The following PLEKHA7 variants were observed in gnomAD, a reference collection of about 807,000 sequenced individuals.
PLEKHA7 encodes pleckstrin homology domain containing A7, also known as pleckstrin homology domain-containing family A member 7.
A neutral mutation model predicts 170.0 loss-of-function variants in PLEKHA7; 104 were observed. The ratio of observed to expected loss-of-function variants is 0.61; its 90% CI spans 0.52 to 0.72. PLEKHA7 has a LOEUF of 0.72. PLEKHA7 is among the 30% of genes least tolerant of loss of function. The pLI is 0.00. For synonymous variants in PLEKHA7, 648 were observed against 660.8 expected (o/e 0.98, Z 0.30); for missense variants, 1,615 against 1,671.7 (o/e 0.97, Z 0.59).
intron 13 of PLEKHA7, among the ~76,000 whole-genome samples, chr11:16,804,904 AGGGAGGTGTG>A (rs754058270): frequency 1.4e-4 from 22 of 152,232 alleles, no homozygotes; most frequent in African/African-American, 4.6e-4. Context: ...GGGGCGGTGC[AGGGAGGTGTG>A]GGGAGGTGGG....
chr11:16,904,261 C>T (rs931989445), intron 3 of PLEKHA7, among the ~76,000 whole-genome samples: 4 of 152,230 alleles, frequency 2.6e-5, no homozygotes, highest in African/African-American at 9.6e-5. Context: ...CTGTACCCAT[C>T]CATTGGGAAT....
intron 8 of PLEKHA7, among the ~76,000 whole-genome samples, chr11:16,850,104 C>T (rs1487849170): frequency 6.6e-6 from 1 of 152,218 alleles, no homozygotes; most frequent in Non-Finnish European, 1.5e-5. Flanking sequence ...CACAGACCAA[C>T]ACTTCCCTTT....
Position 16,961,339 on chromosome 11 carries a change from G to A in PLEKHA7, c.221+52650C>T, listed in dbSNP as rs374512525. Among the ~76,000 whole-genome samples the A allele has an allele frequency of 5.3e-5, 8 of 152,324 alleles. No homozygotes were observed. The East Asian group carries it at 5.8e-4, about 11-fold the overall frequency. ...CCAAGCGCCTTGAGGTGGTCCTAACGCCAGGCTATGCTCAGCTCATCGGAG... is the reference window on the plus strand; with the variant it reads ...CCAAGCGCCTTGAGGTGGTCCTAACACCAGGCTATGCTCAGCTCATCGGAG... On this transcript the variant is annotated intron_variant, in intron 3 of 26. Coordinates refer to ENST00000531066, the MANE Select transcript of PLEKHA7 (RefSeq NM_001329630.2).
intron 3 of PLEKHA7, among the ~76,000 whole-genome samples, chr11:16,964,521 G>A (rs539157248): frequency 6.6e-6 from 1 of 152,154 alleles, no homozygotes; most frequent in African/African-American, 2.4e-5. Flanking sequence ...TCATACCCCA[G>A]GATGTCTGCA....
At chr11:16,897,579 G>A (rs1857074133) in intron 3 of PLEKHA7, among the ~76,000 whole-genome samples, 1 of 152,124 alleles carries the variant, frequency 6.6e-6, no homozygotes, top group Admixed American at 6.5e-5. Flanking sequence ...GGCTTTAAAT[G>A]GGCCACCCGC....
intron 3 of PLEKHA7, among the ~76,000 whole-genome samples, chr11:16,889,420 A>AT (rs1554964152): frequency 0.012 from 927 of 74,570 alleles, 6 homozygotes; most frequent in Middle Eastern, 0.035. Context: ...AAAAAAAAAA[A>AT]ATATATATAT....
chr11:16,878,038 G>A (rs913438211), intron 3 of PLEKHA7, among the ~76,000 whole-genome samples: 6 of 152,014 alleles, frequency 3.9e-5, no homozygotes, highest in South Asian at 2.1e-4. Flanking sequence ...TCCCTTCCCC[G>A]CAAACTCAAT....
At chr11:16,814,921 G>A (rs1267828037) in intron 12 of PLEKHA7, among the ~76,000 whole-genome samples, 2 of 152,212 alleles carry the variant, frequency 1.3e-5, no homozygotes, top group African/African-American at 4.8e-5. Flanking sequence ...ACACCAGCCT[G>A]GCAGTCACTA....
rs1429457151 is a variant in PLEKHA7, at chr11:16,805,541, C to T, written c.2008-2246G>A. Among the ~76,000 whole-genome samples the T allele has an allele frequency of 2.0e-5, 3 of 152,000 alleles. No homozygotes were observed. The East Asian group carries it at 5.8e-4, about 29-fold the overall frequency. Reference sequence around the variant, plus strand: ...GCACGGTGGCTCACACCTGTAATCCCAGCACTTTGGGAGGCCAAGGCGGGT... The same window carrying T: ...GCACGGTGGCTCACACCTGTAATCCTAGCACTTTGGGAGGCCAAGGCGGGT... On this transcript the variant is annotated intron_variant, in intron 13 of 26. Coordinates refer to ENST00000531066, the MANE Select transcript of PLEKHA7 (RefSeq NM_001329630.2).
intron 3 of PLEKHA7, among the ~76,000 whole-genome samples, chr11:16,880,450 T>C (rs915623695): frequency 1.3e-5 from 2 of 152,258 alleles, no homozygotes; most frequent in African/African-American, 2.4e-5. Context: ...CAACCTTCAG[T>C]GCCTGCTATA....
chr11:16,835,451 G>C (rs1043420585), intron 9 of PLEKHA7, among the ~76,000 whole-genome samples: 2 of 152,158 alleles, frequency 1.3e-5, no homozygotes, highest in Non-Finnish European at 2.9e-5. Flanking sequence ...GCAGAGAAGA[G>C]AGTGCAGTTT....
chr11:16,941,919 A>G (rs1164879118), intron 3 of PLEKHA7, among the ~76,000 whole-genome samples: 1 of 152,198 alleles, frequency 6.6e-6, no homozygotes, highest in African/African-American at 2.4e-5. Context: ...TGCTGAAAGC[A>G]CCTCTCTCGA....
chr11:16,987,075 T>C (rs2136915535), intron 3 of PLEKHA7, among the ~76,000 whole-genome samples: 1 of 152,220 alleles, frequency 6.6e-6, no homozygotes, highest in South Asian at 2.1e-4. Context: ...AAATGGGAAA[T>C]TTGCAGGCCT....
intron 3 of PLEKHA7, among the ~76,000 whole-genome samples, chr11:17,008,624 A>C (rs1298946712): frequency 6.6e-6 from 1 of 152,170 alleles, no homozygotes; most frequent in Non-Finnish European, 1.5e-5. Context: ...CTGATTCCTC[A>C]AGAGATGCCA....
intron 9 of PLEKHA7, 97 bp downstream of exon 9, chr11:16,841,450 A>G: frequency 7.4e-7 from 1 of 1,349,166 alleles, no homozygotes; most frequent in Non-Finnish European, 1.0e-6. Flanking sequence ...GCTTAATACA[A>G]GTGAGTAAAT....
chr11:16,917,518 T>G (rs1858777527), intron 3 of PLEKHA7, among the ~76,000 whole-genome samples: 1 of 152,208 alleles, frequency 6.6e-6, no homozygotes, highest in Non-Finnish European at 1.5e-5. Flanking sequence ...CCTTGCCTCT[T>G]CCAGCTTCTA....
chr11:16,883,951 G>A lies in PLEKHA7; in HGVS notation c.222-12769C>T, dbSNP rs183348519. Among the ~76,000 whole-genome samples, 19 of 151,048 alleles carry A rather than the reference G, an allele frequency of 1.3e-4. No individual in the cohort carries two copies. The East Asian group carries it at 3.1e-3, about 25-fold the overall frequency. On this transcript the variant is annotated intron_variant, in intron 3 of 26. Transcript: ENST00000531066. Reference sequence around the variant, plus strand: ...TATCAGTTTCTTGTATATCCTTTTCGGGTTTTGCACTTACAAAATTTTTAT... The same window carrying A: ...TATCAGTTTCTTGTATATCCTTTTCAGGTTTTGCACTTACAAAATTTTTAT...
chr11:16,909,450 G>A (rs1239576467), intron 3 of PLEKHA7, among the ~76,000 whole-genome samples: 5 of 152,162 alleles, frequency 3.3e-5, no homozygotes, highest in African/African-American at 1.2e-4. Context: ...GTTTCACAGG[G>A]CCTGCATGGC....
At chr11:16,807,600 C>T (rs1049299835) in intron 13 of PLEKHA7, among the ~76,000 whole-genome samples, 2 of 152,170 alleles carry the variant, frequency 1.3e-5, no homozygotes, top group Non-Finnish European at 2.9e-5. Flanking sequence ...TTTGTCCTCC[C>T]TCATCACATT....
Sources: allele counts gnomAD v4.1 joint callset (sites outside exome capture counted in the v4.1 genomes callset), GRCh38; gene constraint gnomAD v4.1.1; transcripts MANE v1.5; gene names NCBI Gene and HGNC (gene_info 2026-07-23, HGNC 2026-07-21).